Variants in C12orf50 observed in about 807,000 individuals in gnomAD.
C12orf50 encodes zinc finger CCCH-type containing 11D.
Under a neutral mutation model 61.6 loss-of-function variants are expected in C12orf50, and 35 were observed. The ratio of observed to expected loss-of-function variants is 0.57; its 90% CI spans 0.43 to 0.75. The LOEUF (loss-of-function observed/expected upper bound fraction) is 0.75, where lower values mean the gene tolerates loss of function less well. Among genes scored for constraint, C12orf50 ranks in the 30% least tolerant of loss-of-function variants. The probability of loss-of-function intolerance (pLI) is 0.00; values close to 1 mark genes in which losing one functional copy is unlikely to be tolerated. For synonymous variants in C12orf50, 178 were observed against 161.5 expected, an observed-to-expected ratio of 1.10 and a Z score of -0.77; for missense variants, 475 against 488.5, an observed-to-expected ratio of 0.97 and a Z score of 0.26.
At chr12:88,027,169 A>G (rs1592691103) in intron 1 of C12orf50, 99 bp from the exon 2 acceptor site, 1 of 1,230,738 alleles carries the variant, frequency 8.1e-7, no homozygotes, top group African/African-American at 1.5e-5. Context: ...TGAGTAGATT[A>G]CACTAGAATC....
chr12:88,028,541 A>G, intron 1 of C12orf50, among the ~76,000 whole-genome samples: 1 of 152,038 alleles, frequency 6.6e-6, no homozygotes, highest in East Asian at 1.9e-4. Flanking sequence ...CAATTTGTTT[A>G]TATTAATTTT....
At position 87,983,144 on chromosome 12, in the gene C12orf50, G is replaced by C; in HGVS notation, c.1178C>G (p.Pro393Arg). ...ACTTTTTGAATATGTTTTTGAAAAA[G>C]GAATTCGTTTTCGCCAGGCTGAATC... is the stretch of plus-strand genomic sequence containing the variant. ...YNDSAWRKRI[P>R]FSKTYSKSEK... The change falls in exon 12 of 13, where the codon CCT becomes CGT. Residue 393 changes from proline to arginine, a missense_variant. By Grantham distance (103) the Pro-to-Arg change is moderately radical. Coordinates refer to ENST00000298699, the MANE Select transcript of C12orf50 (RefSeq NM_152589.3). The C allele has an allele frequency of 1.2e-6, 2 of 1,604,596 alleles. No homozygotes were observed.
chr12:88,016,851 G>T (rs1325540076), intron 3 of C12orf50, among the ~76,000 whole-genome samples: 1 of 152,212 alleles, frequency 6.6e-6, no homozygotes, highest in Non-Finnish European at 1.5e-5. Flanking sequence ...ATCATAGGGA[G>T]TATGGCAATA....
intron 3 of C12orf50, among the ~76,000 whole-genome samples, chr12:88,012,616 C>T (rs1375032640): frequency 6.6e-6 from 1 of 152,206 alleles, no homozygotes; most frequent in Non-Finnish European, 1.5e-5. Context: ...ATCTATACAA[C>T]ACTTGTGTAA....
chr12:87,983,128 A>G lies in C12orf50; in HGVS notation c.1194T>C (p.Tyr398=). Residue 398 remains tyrosine (Y), a synonymous_variant, in exon 12 of 13, where the codon TAT becomes TAC. Coordinates refer to ENST00000298699, the MANE Select transcript of C12orf50 (RefSeq NM_152589.3). ...CTGGATATATCTTTTCACTTTTTGA[A>G]TATGTTTTTGAAAAAGGAATTCGTT... ...WRKRIPFSKT[Y]SKSEKIYPEP... 2 of 1,597,798 alleles carry G rather than the reference A, an allele frequency of 1.3e-6. No individual in the cohort carries two copies. The highest frequency in any genetic ancestry group is 1.7e-6 in the Non-Finnish European group (2 of 1,167,470).
chr12:88,022,949 C>T lies in C12orf50; in HGVS notation c.133+3539G>A, dbSNP rs887691244. On this transcript the variant is annotated intron_variant, in intron 3 of 12. Coordinates refer to ENST00000298699, the MANE Select transcript of C12orf50 (RefSeq NM_152589.3). ...TGATGCCCAAAGAAATTCACAGATT[C>T]GAAGTTATTTCTATCAAACTACCAA... 2.8e-4 allele frequency among the ~76,000 whole-genome samples: 42 copies of T among 152,084 alleles called. 1 individual carries two copies. The highest frequency in any genetic ancestry group is 1.2e-3 in the Admixed American group (19 of 15,284).
chr12:87,980,996 T>G (rs1356863237), intron 12 of C12orf50, among the ~76,000 whole-genome samples: 1 of 152,184 alleles, frequency 6.6e-6, no homozygotes, highest in Non-Finnish European at 1.5e-5. Context: ...TTTCTCTTCC[T>G]ATTCTGGTGA....
chr12:88,024,138 A>T (rs537431449), intron 3 of C12orf50, among the ~76,000 whole-genome samples: 21 of 152,314 alleles, frequency 1.4e-4, no homozygotes, highest in African/African-American at 4.3e-4. Context: ...ACAGATGCTG[A>T]TGAGGTTACA....
chr12:87,996,214 T>C (rs1339993340), intron 6 of C12orf50, among the ~76,000 whole-genome samples, 160 bp downstream of exon 6: 1 of 152,218 alleles, frequency 6.6e-6, no homozygotes, highest in Non-Finnish European at 1.5e-5. Flanking sequence ...ATCCCATTAA[T>C]AGCAGCTTTG....
In C12orf50 at chr12:87,998,225, GA is replaced by G. The variant is rs1247765859; in HGVS notation, c.134-36del. 3.9e-6 allele frequency: 6 copies of G among 1,543,880 alleles called. No homozygotes were observed. In the African/African-American group the frequency reaches 8.2e-5, roughly 21 times the overall value. ...AAATGCAACATTTCAGTCTGTTCAA[GA>G]TATATGTGATGATAAGTAGATGTAA... On this transcript the variant is annotated intron_variant, in intron 3 of 12. Transcript: ENST00000298699.
chr12:88,029,135 C>T, intron 1 of C12orf50: 1 of 1,265,068 alleles, frequency 7.9e-7, no homozygotes. Flanking sequence ...AACTCTCTTG[C>T]TGCTAATCCA....
chr12:88,001,550 A>C (rs2031655630), intron 3 of C12orf50, among the ~76,000 whole-genome samples: 1 of 150,536 alleles, frequency 6.6e-6, no homozygotes, highest in African/African-American at 2.4e-5. Flanking sequence ...TTTTTGGAAG[A>C]ATTTATGACA....
chr12:87,998,474 T>C (rs1446473395), intron 3 of C12orf50, among the ~76,000 whole-genome samples: 1 of 152,080 alleles, frequency 6.6e-6, no homozygotes, highest in Non-Finnish European at 1.5e-5. Context: ...TGAAAATATA[T>C]ATATTGAAAA....
chr12:88,023,390 G>C (rs988076957), intron 3 of C12orf50, among the ~76,000 whole-genome samples: 7 of 151,858 alleles, frequency 4.6e-5, no homozygotes, highest in African/African-American at 1.7e-4. Context: ...TGTAGGCCAG[G>C]CACGGTGGCT....
At chr12:87,990,202 A>G (rs1455707847) in intron 7 of C12orf50, among the ~76,000 whole-genome samples, 2 of 152,200 alleles carry the variant, frequency 1.3e-5, no homozygotes, top group Non-Finnish European at 2.9e-5. Context: ...CATTGCTTGA[A>G]GTTACCCTGT....
intron 3 of C12orf50, among the ~76,000 whole-genome samples, chr12:88,018,403 A>C (rs1210455072): frequency 2.0e-5 from 3 of 152,230 alleles, no homozygotes; most frequent in Non-Finnish European, 4.4e-5. Context: ...GGCGTGTGGA[A>C]ATGCCTGGAT....
intron 12 of C12orf50, 129 bp downstream of exon 12, chr12:87,982,974 G>A (rs2136395727): frequency 2.2e-6 from 1 of 454,560 alleles, no homozygotes. Context: ...TAAACTCCAA[G>A]TAATTAAGTG....
At chr12:87,997,965 G>A (rs931002565) in intron 4 of C12orf50, 70 bp downstream of exon 4, 1 of 1,285,758 alleles carries the variant, frequency 7.8e-7, no homozygotes, top group African/African-American at 1.5e-5. Context: ...AACCTTTACA[G>A]TTAAACACAT....
At chr12:88,010,546 A>G (rs767300099) in intron 3 of C12orf50, among the ~76,000 whole-genome samples, 1 of 150,612 alleles carries the variant, frequency 6.6e-6, no homozygotes, top group African/African-American at 2.4e-5. Flanking sequence ...CATTAGATAC[A>G]TTTATAATGA....
Sources: gnomAD v4.1 joint callset for allele counts (sites outside exome capture counted in the v4.1 genomes callset) on GRCh38, gnomAD v4.1.1 for gene constraint, MANE v1.5 for transcripts, NCBI Gene and HGNC (gene_info 2026-07-23, HGNC 2026-07-21) for gene names.